ENOX1: variants seen among roughly 807,000 people sequenced by gnomAD.
ENOX1 encodes the protein ecto-NOX disulfide-thiol exchanger 1, also known as candidate growth-related and time keeping constitutive hydroquinone (NADH) oxidase.
Under a neutral mutation model 82.5 loss-of-function variants are expected in ENOX1, and 42 were observed. That is an observed-to-expected ratio of 0.51 (90% CI 0.40 to 0.66). ENOX1 has a LOEUF of 0.66. Among genes scored for constraint, ENOX1 ranks in the 30% least tolerant of loss-of-function variants. The probability of loss-of-function intolerance (pLI) is 0.00; values close to 1 mark genes in which losing one functional copy is unlikely to be tolerated. For missense variants in ENOX1, 608 were observed against 811.6 expected (o/e 0.75, Z 3.05); for synonymous variants, 271 against 282.2 (o/e 0.96, Z 0.40).
At chr13:43,756,461 A>AGGAGGGGAGG (rs1198267415) in intron 1 of ENOX1, among the ~76,000 whole-genome samples, 1 of 86,404 alleles carries the variant, frequency 1.2e-5, no homozygotes, top group Admixed American at 1.5e-4. Flanking sequence ...AGGAGGGGTG[A>AGGAGGGGAGG]GGAGGGGAGG....
intron 1 of ENOX1, among the ~76,000 whole-genome samples, chr13:43,696,719 C>G (rs558319886): frequency 6.6e-6 from 1 of 151,560 alleles, no homozygotes; most frequent in African/African-American, 2.4e-5. Context: ...ACCTTTATCT[C>G]AGGTGCTTAA....
chr13:43,214,125 T>C lies in ENOX1; in HGVS notation c.1801-4A>G. 1 of 1,611,500 alleles carries C rather than the reference T, an allele frequency of 6.2e-7. No homozygotes were observed. Among genetic ancestry groups the C allele is most frequent in the South Asian group, 1.1e-5 (1 of 90,610 alleles). On this transcript the variant is annotated splice_region_variant and splice_polypyrimidine_tract_variant and intron_variant, in intron 16 of 16. Transcript: ENST00000690772. ...TTTCTATTTCATTTGCAGATATCTG[T>C]TAGAAAGGAAGGAAAGTCACTTTGG...
At chr13:43,475,794 C>CAAAAAAAAAAAAAAAAAAAAAAAAA (rs10624980) in intron 3 of ENOX1, among the ~76,000 whole-genome samples, 1 of 70,944 alleles carries the variant, frequency 1.4e-5, no homozygotes, top group African/African-American at 6.1e-5. Flanking sequence ...CATAACTGAC[C>CAAAAAAAAAAAAAAAAAAAAAAAAA]AAAAAAAAAA....
chr13:43,352,709 A>T (rs6561121), intron 8 of ENOX1, among the ~76,000 whole-genome samples: 58,215 of 152,004 alleles, frequency 0.38, 11,272 homozygotes, highest in Middle Eastern at 0.53. Context: ...TTAATGTAAC[A>T]GGCACTGGGT....
At chr13:43,663,402 ACT>A (rs1323752887) in intron 2 of ENOX1, among the ~76,000 whole-genome samples, 1 of 151,488 alleles carries the variant, frequency 6.6e-6, no homozygotes, top group East Asian at 1.9e-4. Flanking sequence ...CCCTCATACC[ACT>A]CTGCTAATCT....
intron 3 of ENOX1, among the ~76,000 whole-genome samples, chr13:43,453,780 GA>G (rs1472344343): frequency 6.6e-6 from 1 of 152,184 alleles, no homozygotes; most frequent in African/African-American, 2.4e-5. Context: ...TGTGTGTTAG[GA>G]ATATGTGTGA....
At chr13:43,269,424 G>A in intron 13 of ENOX1, 46 bp downstream of exon 13, 1 of 1,410,164 alleles carries the variant, frequency 7.1e-7, no homozygotes, top group Non-Finnish European at 1.0e-6. Flanking sequence ...GTATGCAATG[G>A]GGTGTTTGGA....
chr13:43,609,469 T>A (rs2082110290), intron 2 of ENOX1, among the ~76,000 whole-genome samples: 1 of 152,230 alleles, frequency 6.6e-6, no homozygotes, highest in Admixed American at 6.5e-5. Context: ...GTTATGTGAC[T>A]GTGAATATAC....
intron 5 of ENOX1, among the ~76,000 whole-genome samples, chr13:43,365,112 C>T (rs1456496072): frequency 6.6e-6 from 1 of 152,214 alleles, no homozygotes; most frequent in Non-Finnish European, 1.5e-5. Flanking sequence ...CGCCCTTCCT[C>T]ACTTCTTCTC....
At chr13:43,605,606 C>A (rs1219404942) in intron 2 of ENOX1, among the ~76,000 whole-genome samples, 1 of 152,088 alleles carries the variant, frequency 6.6e-6, no homozygotes, top group Non-Finnish European at 1.5e-5. Flanking sequence ...TATCCATATA[C>A]AGAAGAATGA....
intron 3 of ENOX1, among the ~76,000 whole-genome samples, chr13:43,449,934 C>T (rs868331213): frequency 2.0e-5 from 3 of 152,222 alleles, no homozygotes; most frequent in South Asian, 2.1e-4. Flanking sequence ...AAGGATGGAA[C>T]GGCAGGTTTT....
chr13:43,568,347 A>G (rs898853439), intron 2 of ENOX1, among the ~76,000 whole-genome samples: 1 of 152,224 alleles, frequency 6.6e-6, no homozygotes, highest in African/African-American at 2.4e-5. Flanking sequence ...AACACACAGT[A>G]TCTGACTTAA....
chr13:43,480,185 C>G (rs1315242588), intron 3 of ENOX1, among the ~76,000 whole-genome samples: 1 of 152,058 alleles, frequency 6.6e-6, no homozygotes, highest in Non-Finnish European at 1.5e-5. Flanking sequence ...GTGATCCACC[C>G]GCCTCGGCCT....
intron 1 of ENOX1, among the ~76,000 whole-genome samples, chr13:43,703,784 A>G (rs1209417048): frequency 6.6e-6 from 1 of 152,172 alleles, no homozygotes; most frequent in Non-Finnish European, 1.5e-5. Flanking sequence ...CCAGTTCTAT[A>G]GTAACCTTCC....
intron 2 of ENOX1, among the ~76,000 whole-genome samples, chr13:43,541,428 C>T (rs1003284951): frequency 2.6e-5 from 4 of 151,992 alleles, no homozygotes; most frequent in African/African-American, 9.6e-5. Context: ...TTAGGGCCAG[C>T]AATTCGAGGC....
intron 5 of ENOX1, among the ~76,000 whole-genome samples, chr13:43,373,404 G>A (rs1594202793): frequency 6.6e-6 from 1 of 152,056 alleles, no homozygotes; most frequent in African/African-American, 2.4e-5. Flanking sequence ...GCAGCATTGG[G>A]ACCTGTTTCC....
intron 5 of ENOX1, among the ~76,000 whole-genome samples, chr13:43,402,153 T>C (rs1198917066): frequency 6.6e-6 from 1 of 152,086 alleles, no homozygotes; most frequent in Non-Finnish European, 1.5e-5. Context: ...ACTCCATCTG[T>C]GCAAGAAGGT....
Position 43,451,762 on chromosome 13 carries a change from T to C in ENOX1, c.-75+32247A>G, listed in dbSNP as rs533304467. On this transcript the variant is annotated intron_variant, in intron 3 of 16. Coordinates refer to ENST00000690772, the MANE Select transcript of ENOX1 (RefSeq NM_001347969.2). Reference sequence around the variant, plus strand: ...GTATAGCCTTGCAGTACTGTTTCTATGCAAATAATAAACCTTTCTCATATA... The same window carrying C: ...GTATAGCCTTGCAGTACTGTTTCTACGCAAATAATAAACCTTTCTCATATA... Among the ~76,000 whole-genome samples the C allele has an allele frequency of 2.0e-5, 3 of 152,342 alleles. No individual in the cohort carries two copies. In the South Asian group the frequency reaches 6.2e-4, roughly 32 times the overall value.
At chr13:43,734,839 A>G (rs2089535125) in intron 1 of ENOX1, among the ~76,000 whole-genome samples, 1 of 152,210 alleles carries the variant, frequency 6.6e-6, no homozygotes, top group Non-Finnish European at 1.5e-5. Context: ...AAAATAGAGG[A>G]CAGCTCTGGA....
Sources: allele counts gnomAD v4.1 joint callset (sites outside exome capture counted in the v4.1 genomes callset), GRCh38; gene constraint gnomAD v4.1.1; transcripts MANE v1.5; gene names NCBI Gene and HGNC (gene_info 2026-07-23, HGNC 2026-07-21).